ABCA13: variants seen among roughly 807,000 people sequenced by gnomAD.
The protein encoded by ABCA13 is ATP binding cassette subfamily A member 13.
A neutral mutation model predicts 478.7 loss-of-function variants in ABCA13; 476 were observed. The observed-to-expected ratio is 0.99, with a 90% CI of 0.92 to 1.07. The LOEUF is 1.07. ABCA13 is among the 50% of genes least tolerant of loss of function. The probability of loss-of-function intolerance (pLI) is 0.00; values close to 1 mark genes in which losing one functional copy is unlikely to be tolerated. For missense variants in ABCA13, 6,060 were observed against 5,910.6 expected (o/e 1.03, Z -0.83); for synonymous variants, 2,252 against 2,158.9 (o/e 1.04, Z -1.20).
chr7:48,622,689 A>G (rs1227487468), intron 59 of ABCA13, among the ~76,000 whole-genome samples: 1 of 152,192 alleles, frequency 6.6e-6, no homozygotes, highest in Non-Finnish European at 1.5e-5. Context: ...CAAGATATAT[A>G]GATTATCTAG....
chr7:48,635,862 G>A (rs1381713666), intron 59 of ABCA13, among the ~76,000 whole-genome samples: 2 of 152,068 alleles, frequency 1.3e-5, no homozygotes, highest in African/African-American at 2.4e-5. Flanking sequence ...TTTTTATCTT[G>A]CTGTATACAG....
Position 48,276,074 on chromosome 7 carries a change from G to A in ABCA13, c.6408G>A (p.Glu2136=), listed in dbSNP as rs2128762443. 1 of 1,605,000 alleles carries A rather than the reference G, an allele frequency of 6.2e-7. No homozygotes were observed. Among genetic ancestry groups the A allele is most frequent in the Non-Finnish European group, 8.5e-7 (1 of 1,175,208 alleles). The change falls in exon 17 of 62, where the codon GAG becomes GAA. Residue 2136 remains glutamate (E), a synonymous_variant. Transcript: ENST00000435803. ...TKNWLQEYAN[E]DYSRMIETLF... ...ACTGGCTTCAGGAATATGCAAATGA[G>A]GATTACTCCAGAATGATAGAAACAT...
chr7:48,570,535 G>A (rs149074119), intron 55 of ABCA13, among the ~76,000 whole-genome samples: 1,535 of 151,874 alleles, frequency 0.01, 32 homozygotes, highest in African/African-American at 0.035. Flanking sequence ...ATGTTAGCCA[G>A]GGTGGTCTTG....
chr7:48,507,082 T>C (rs1320130794), intron 49 of ABCA13, among the ~76,000 whole-genome samples: 1 of 152,168 alleles, frequency 6.6e-6, no homozygotes, highest in Non-Finnish European at 1.5e-5. Flanking sequence ...GAAGCACCGG[T>C]TGGGTTGCAG....
At chr7:48,444,773 G>A (rs1824063481) in intron 42 of ABCA13, among the ~76,000 whole-genome samples, 1 of 152,060 alleles carries the variant, frequency 6.6e-6, no homozygotes, top group Admixed American at 6.6e-5. Context: ...ACGCATCCCA[G>A]GTACCTCCAT....
intron 20 of ABCA13, among the ~76,000 whole-genome samples, chr7:48,288,347 A>C (rs765947999): frequency 6.6e-5 from 10 of 152,226 alleles, no homozygotes; most frequent in Non-Finnish European, 1.3e-4. Flanking sequence ...TTAAACATAG[A>C]TGTCATCATT....
chr7:48,348,647 A>G (rs910059593), intron 29 of ABCA13, among the ~76,000 whole-genome samples: 1 of 152,190 alleles, frequency 6.6e-6, no homozygotes, highest in Non-Finnish European at 1.5e-5. Context: ...GGCAATAGTT[A>G]ATTGATCTTA....
At chr7:48,506,683 A>G (rs568562571) in intron 49 of ABCA13, among the ~76,000 whole-genome samples, 1 of 152,322 alleles carries the variant, frequency 6.6e-6, no homozygotes, top group South Asian at 2.1e-4. Flanking sequence ...GGGACTGTAC[A>G]TCTTCTGAAG....
rs1412591195 is a variant in ABCA13 at position 48,552,983 on chromosome 7, G to C, written c.14354+24638G>C. 2.0e-5 allele frequency among the ~76,000 whole-genome samples: 3 copies of C among 147,160 alleles called. No homozygotes were observed. In the Admixed American group the frequency reaches 2.0e-4, roughly 10 times the overall value. ...CCCTACACACCCACTACCCTCCCCA[G>C]CCTCTGGTAACTATCCTTCTATTCT... is the stretch of plus-strand genomic sequence containing the variant. On this transcript the variant is annotated intron_variant, in intron 55 of 61. Transcript: ENST00000435803.
intron 53 of ABCA13, among the ~76,000 whole-genome samples, chr7:48,523,016 T>A (rs1344593210): frequency 6.6e-6 from 1 of 152,186 alleles, no homozygotes; most frequent in Non-Finnish European, 1.5e-5. Flanking sequence ...AGTGTAAAAT[T>A]CAATGAATTT....
chr7:48,619,123 C>T (rs1240196086), intron 59 of ABCA13, among the ~76,000 whole-genome samples: 1 of 152,198 alleles, frequency 6.6e-6, no homozygotes, highest in African/African-American at 2.4e-5. Flanking sequence ...TGAAGTCCCC[C>T]TTCTCTTCCT....
At chr7:48,382,798 G>T (rs1006734046) in intron 35 of ABCA13, among the ~76,000 whole-genome samples, 1 of 151,322 alleles carries the variant, frequency 6.6e-6, no homozygotes, top group African/African-American at 2.4e-5. Context: ...CTAGAATGAA[G>T]GTCATAAGAA....
At position 48,317,131 on chromosome 7, in the gene ABCA13, T is replaced by A. The variant is rs1802710595; in HGVS notation, c.9860-26T>A. 3 of 1,581,578 alleles carry A rather than the reference T, an allele frequency of 1.9e-6. 1 individual carries two copies. Among genetic ancestry groups the A allele is most frequent in the African/African-American group, 1.4e-5 (1 of 73,186 alleles). ...CTAGGCATCGTGTATCATTAGCAAC[T>A]TTTTTTTTCTTTCTAATTGCAACAG... On this transcript the variant is annotated intron_variant, in intron 26 of 61. Transcript: ENST00000435803.
intron 59 of ABCA13, among the ~76,000 whole-genome samples, chr7:48,638,307 A>G (rs372252906): frequency 6.6e-6 from 1 of 152,198 alleles, no homozygotes; most frequent in East Asian, 1.9e-4. Flanking sequence ...GGATCTATGA[A>G]TGGTGGAGTC....
At position 48,295,684 on chromosome 7, in the gene ABCA13, T is replaced by C; in HGVS notation, c.8956-16T>C. ...GTATGTGTGCTTCTAACCTATATCA[T>C]TGCTATGTTTTCTAGGAAATTGAAA... On this transcript the variant is annotated splice_polypyrimidine_tract_variant and intron_variant, in intron 20 of 61. Coordinates refer to ENST00000435803, the MANE Select transcript of ABCA13 (RefSeq NM_152701.5). 1 of 1,613,818 alleles carries C rather than the reference T, an allele frequency of 6.2e-7. No homozygotes were observed. The highest frequency in any genetic ancestry group is 8.5e-7 in the Non-Finnish European group (1 of 1,179,750).
chr7:48,539,121 C>CTCCCACA lies in ABCA13; in HGVS notation c.14354+10777_14354+10778insCCCACAT, dbSNP rs1224661956. 4.6e-5 allele frequency among the ~76,000 whole-genome samples: 7 copies of CTCCCACA among 152,162 alleles called. No individual in the cohort carries two copies. The East Asian group carries it at 1.4e-3, about 29-fold the overall frequency. ...CTGGGCCAGGTGAGGTGGCTCATGC[C>CTCCCACA]TGTAATCCTAGCACTTTGGGAGGCT... is the stretch of plus-strand genomic sequence containing the variant. On this transcript the variant is annotated intron_variant, in intron 55 of 61. Coordinates refer to ENST00000435803, the MANE Select transcript of ABCA13 (RefSeq NM_152701.5).
chr7:48,321,440 G>A (rs896578425), intron 27 of ABCA13, among the ~76,000 whole-genome samples: 1 of 152,208 alleles, frequency 6.6e-6, no homozygotes, highest in African/African-American at 2.4e-5. Context: ...CCAAACAGGG[G>A]CTGTGGGATG....
chr7:48,578,253 C>G (rs1207468483), intron 55 of ABCA13, among the ~76,000 whole-genome samples: 1 of 152,094 alleles, frequency 6.6e-6, no homozygotes, highest in Non-Finnish European at 1.5e-5. Context: ...GTTAAAATCA[C>G]ACAGATTGTG....
intron 42 of ABCA13, among the ~76,000 whole-genome samples, chr7:48,452,379 A>C (rs1274080959): frequency 1.3e-5 from 2 of 152,230 alleles, no homozygotes; most frequent in Non-Finnish European, 2.9e-5. Context: ...CAGGATTAAA[A>C]AATTGAATGT....
Sources: allele counts gnomAD v4.1 joint callset (sites outside exome capture counted in the v4.1 genomes callset), GRCh38; gene constraint gnomAD v4.1.1; transcripts MANE v1.5; gene names NCBI Gene and HGNC (gene_info 2026-07-23, HGNC 2026-07-21).